The following TNFSF4 variants were observed in gnomAD, a reference collection of about 807,000 sequenced individuals.
TNFSF4 encodes TNF superfamily member 4, also known as tumor necrosis factor ligand superfamily member 4.
In TNFSF4, 4 loss-of-function variants were observed where a neutral mutation model predicts 7.3. That is an observed-to-expected ratio of 0.55 (90% CI 0.27 to 1.25). The LOEUF is 1.25. Ranked by LOEUF, TNFSF4 falls within the 50% of genes most tolerant of loss-of-function variation. The probability of loss-of-function intolerance (pLI) is 0.12; values close to 1 mark genes in which losing one functional copy is unlikely to be tolerated. For missense variants in TNFSF4, 181 were observed against 208.8 expected, an observed-to-expected ratio of 0.87 and a Z score of 0.82; for synonymous variants, 76 against 83.7, an observed-to-expected ratio of 0.91 and a Z score of 0.50.
the TNFSF4 span, among the ~76,000 whole-genome samples, chr1:173,351,078 G>C: frequency 2.0e-5 from 3 of 152,258 alleles, no homozygotes; most frequent in South Asian, 6.2e-4. Context: ...CAAAATCTTA[G>C]CATGAGCTTA....
the TNFSF4 span, among the ~76,000 whole-genome samples, chr1:173,401,504 GA>G: frequency 6.6e-6 from 1 of 152,094 alleles, no homozygotes; most frequent in African/African-American, 2.4e-5. Context: ...TTGAGGACAT[GA>G]AAAAACCTAA....
At chr1:173,393,390 T>G in the TNFSF4 span, among the ~76,000 whole-genome samples, 1 of 152,212 alleles carries the variant, frequency 6.6e-6, no homozygotes, top group Non-Finnish European at 1.5e-5. Flanking sequence ...ACCCAGCTCA[T>G]CTGCCCTGCC....
At chr1:173,449,600 A>G in the TNFSF4 span, among the ~76,000 whole-genome samples, 6 of 152,080 alleles carry the variant, frequency 3.9e-5, no homozygotes, top group Non-Finnish European at 7.4e-5. Flanking sequence ...CAGTCTCTCA[A>G]AGTGCTAGGA....
At chr1:173,226,495 C>A in the TNFSF4 span, among the ~76,000 whole-genome samples, 1 of 152,158 alleles carries the variant, frequency 6.6e-6, no homozygotes, top group Non-Finnish European at 1.5e-5. Context: ...GGAATGTGGA[C>A]CCATGATTGA....
At chr1:173,287,845 T>G in the TNFSF4 span, among the ~76,000 whole-genome samples, 1 of 152,182 alleles carries the variant, frequency 6.6e-6, no homozygotes, top group East Asian at 1.9e-4. Context: ...ACACAAAACT[T>G]ATCAATATTG....
the TNFSF4 span, among the ~76,000 whole-genome samples, chr1:173,218,057 T>C: frequency 6.6e-6 from 1 of 152,162 alleles, no homozygotes; most frequent in Non-Finnish European, 1.5e-5. Flanking sequence ...CTGAAATTTT[T>C]GAATTACCTT....
chr1:173,315,636 C>T, the TNFSF4 span, among the ~76,000 whole-genome samples: 8 of 152,100 alleles, frequency 5.3e-5, no homozygotes, highest in Non-Finnish European at 1.2e-4. Flanking sequence ...AAAACGGAAT[C>T]TTTGGCAATT....
chr1:173,380,152 A>T, the TNFSF4 span, among the ~76,000 whole-genome samples: 8 of 152,328 alleles, frequency 5.3e-5, no homozygotes, highest in East Asian at 1.4e-3. Flanking sequence ...GCCTGTAACC[A>T]GGTATTTCTC....
the TNFSF4 span, among the ~76,000 whole-genome samples, chr1:173,376,478 G>A: frequency 6.6e-6 from 1 of 152,184 alleles, no homozygotes; most frequent in African/African-American, 2.4e-5. Context: ...TTAGTGAGAG[G>A]TGAAGCCAGC....
At chr1:173,430,539 TTA>T in the TNFSF4 span, among the ~76,000 whole-genome samples, 3 of 152,224 alleles carry the variant, frequency 2.0e-5, no homozygotes, top group African/African-American at 7.2e-5. Context: ...GGGGATTTCA[TTA>T]TATTTTGTTG....
At chr1:173,200,866 A>C (rs1649914957) in intron 1 of TNFSF4, among the ~76,000 whole-genome samples, 1 of 152,248 alleles carries the variant, frequency 6.6e-6, no homozygotes, top group African/African-American at 2.4e-5. Flanking sequence ...AAGAAGAATT[A>C]AAGTTCAGAT....
chr1:173,433,088 A>T, the TNFSF4 span, among the ~76,000 whole-genome samples: 2 of 152,206 alleles, frequency 1.3e-5, no homozygotes, highest in African/African-American at 4.8e-5. Context: ...TTTTGCCTAT[A>T]CTAGACACTG....
the TNFSF4 span, among the ~76,000 whole-genome samples, chr1:173,341,983 T>C: frequency 1.3e-5 from 2 of 152,174 alleles, no homozygotes; most frequent in Non-Finnish European, 2.9e-5. Flanking sequence ...TCTGTTTCTA[T>C]CCTGCTTCTC....
downstream of TNFSF4, among the ~76,000 whole-genome samples, chr1:173,181,764 A>C (rs191367962): frequency 1.0e-3 from 157 of 152,348 alleles, no homozygotes; most frequent in African/African-American, 3.4e-3. Context: ...AGGCATTAAA[A>C]GTGTTCATGT....
the TNFSF4 span, among the ~76,000 whole-genome samples, chr1:173,242,208 T>TA: frequency 6.6e-6 from 1 of 152,158 alleles, no homozygotes; most frequent in Non-Finnish European, 1.5e-5. Flanking sequence ...AGGATAAAGT[T>TA]AGAGTGGCCA....
At chr1:173,195,567 T>A (rs1649664323) in intron 1 of TNFSF4, among the ~76,000 whole-genome samples, 1 of 152,246 alleles carries the variant, frequency 6.6e-6, no homozygotes, top group South Asian at 2.1e-4. Context: ...GGCTGTGCTG[T>A]GTTCCCAAGA....
chr1:173,438,337 T>C, the TNFSF4 span, among the ~76,000 whole-genome samples: 1 of 152,244 alleles, frequency 6.6e-6, no homozygotes, highest in African/African-American at 2.4e-5. Context: ...AGCATTTTTA[T>C]GGCTCTTAAT....
the TNFSF4 span, among the ~76,000 whole-genome samples, chr1:173,450,136 C>T: frequency 3.3e-5 from 5 of 151,974 alleles, no homozygotes; most frequent in African/African-American, 1.2e-4. Context: ...AACAAGGGAA[C>T]AGTACTATGA....
chr1:173,238,891 G>A, the TNFSF4 span, among the ~76,000 whole-genome samples: 61 of 152,060 alleles, frequency 4.0e-4, 1 homozygote, highest in African/African-American at 1.4e-3. Context: ...CAAAAAAAGG[G>A]TATTAGATGA....
Sources: gnomAD v4.1 joint callset for allele counts (sites outside exome capture counted in the v4.1 genomes callset) on GRCh38, gnomAD v4.1.1 for gene constraint, MANE v1.5 for transcripts, NCBI Gene and HGNC (gene_info 2026-07-23, HGNC 2026-07-21) for gene names.